The following RIMS1 variants were observed in gnomAD, a reference collection of about 807,000 sequenced individuals.
The protein encoded by RIMS1 is regulating synaptic membrane exocytosis 1.
RIMS1 carries 83 observed loss-of-function variants against 214.1 expected under a neutral mutation model. That is an observed-to-expected ratio of 0.39 (90% confidence interval 0.32 to 0.47). The LOEUF is 0.47. Among genes scored for constraint, RIMS1 ranks in the 20% least tolerant of loss-of-function variants. The pLI, the probability that RIMS1 is intolerant of heterozygous loss-of-function variation, is 0.99. For missense variants in RIMS1, 2,050 were observed against 2,161.8 expected (o/e 0.95, Z 1.03); for synonymous variants, 793 against 786.8 (o/e 1.01, Z -0.13).
intron 28 of RIMS1, chr6:72,317,431 T>C: frequency 5.6e-6 from 1 of 179,800 alleles, no homozygotes; most frequent in Non-Finnish European, 1.2e-5. Context: ...TGGCATTTGA[T>C]GTCAGTAGGC....
At chr6:71,977,055 T>C (rs1364272687) in intron 2 of RIMS1, among the ~76,000 whole-genome samples, 10 of 152,128 alleles carry the variant, frequency 6.6e-5, no homozygotes, top group African/African-American at 2.4e-4. Flanking sequence ...TGTCCTACAA[T>C]AGCGGATGGC....
rs575695455 is a variant in RIMS1 at position 72,012,371 on chromosome 6, C to T, written c.245+43308C>T. 5.6e-4 allele frequency among the ~76,000 whole-genome samples: 85 copies of T among 152,096 alleles called. 1 individual carries two copies. In the South Asian group the frequency reaches 0.017, roughly 31 times the overall value. ...GGGTGGGATAGCATTAGGAGATATACCTAATGTAAATGACGAGTTAATGGG... is the reference window on the plus strand; with the variant it reads ...GGGTGGGATAGCATTAGGAGATATATCTAATGTAAATGACGAGTTAATGGG... On this transcript the variant is annotated intron_variant, in intron 2 of 33. Coordinates refer to ENST00000521978, the MANE Select transcript of RIMS1 (RefSeq NM_014989.7).
chr6:72,346,327 T>C (rs2097264858), intron 29 of RIMS1, among the ~76,000 whole-genome samples: 1 of 151,820 alleles, frequency 6.6e-6, no homozygotes. Flanking sequence ...GTTCATTACA[T>C]GTAGTTAATA....
chr6:72,271,281 AAAAAAATATATATATATATATAT>A (rs1466891517), intron 22 of RIMS1, among the ~76,000 whole-genome samples: 2 of 68,390 alleles, frequency 2.9e-5, no homozygotes, highest in African/African-American at 1.2e-4. Context: ...AAAAAAAAAA[AAAAAAATATATATATATATATAT>A]ATATATATAT....
chr6:72,191,070 T>G (rs755194807), intron 6 of RIMS1, among the ~76,000 whole-genome samples: 6 of 152,236 alleles, frequency 3.9e-5, no homozygotes, highest in African/African-American at 1.4e-4. Flanking sequence ...TTAGATCTGC[T>G]GGATCATATG....
At chr6:72,227,835 T>G (rs1204814077) in intron 6 of RIMS1, among the ~76,000 whole-genome samples, 1 of 151,968 alleles carries the variant, frequency 6.6e-6, no homozygotes, top group Non-Finnish European at 1.5e-5. Context: ...TGAATCAACT[T>G]AATAATACTT....
intron 28 of RIMS1, among the ~76,000 whole-genome samples, chr6:72,329,522 A>G (rs1212359000): frequency 6.6e-6 from 1 of 151,714 alleles, no homozygotes; most frequent in Non-Finnish European, 1.5e-5. Flanking sequence ...TAGTAATCAT[A>G]TGCCCTTTAT....
intron 26 of RIMS1, among the ~76,000 whole-genome samples, chr6:72,301,125 A>G (rs980173372): frequency 1.3e-5 from 2 of 151,598 alleles, no homozygotes; most frequent in Admixed American, 1.3e-4. Context: ...TAGATGCTGG[A>G]TAGATGTTCT....
chr6:72,363,674 A>C (rs1325327917), intron 29 of RIMS1, among the ~76,000 whole-genome samples: 2 of 152,220 alleles, frequency 1.3e-5, no homozygotes, highest in African/African-American at 4.8e-5. Flanking sequence ...AAAGATTGAA[A>C]GCATACCTCA....
At chr6:71,951,960 T>C (rs1230798031) in intron 1 of RIMS1, among the ~76,000 whole-genome samples, 1 of 152,154 alleles carries the variant, frequency 6.6e-6, no homozygotes, top group African/African-American at 2.4e-5. Context: ...CAATTGAATG[T>C]GGATGTGAGG....
At chr6:72,126,176 G>GT (rs397764862) in intron 4 of RIMS1, among the ~76,000 whole-genome samples, 1 of 151,284 alleles carries the variant, frequency 6.6e-6, no homozygotes, top group Admixed American at 6.6e-5. Flanking sequence ...TTGGAGAAAG[G>GT]CACCCTGTTC....
chr6:71,907,582 T>A (rs1347326411), intron 1 of RIMS1, among the ~76,000 whole-genome samples: 2 of 151,894 alleles, frequency 1.3e-5, no homozygotes, highest in African/African-American at 2.4e-5. Context: ...AAAATTTTTC[T>A]AATATTTTAA....
chr6:72,099,188 T>C (rs571957869), intron 3 of RIMS1, among the ~76,000 whole-genome samples: 40 of 152,316 alleles, frequency 2.6e-4, no homozygotes, highest in Non-Finnish European at 5.1e-4. Flanking sequence ...ATACAGTTAA[T>C]GATTGATATA....
At chr6:72,164,663 C>G (rs2046006906) in intron 4 of RIMS1, among the ~76,000 whole-genome samples, 1 of 152,170 alleles carries the variant, frequency 6.6e-6, no homozygotes, top group Non-Finnish European at 1.5e-5. Context: ...GTTTATTAGA[C>G]AGTTCCAGCT....
intron 4 of RIMS1, among the ~76,000 whole-genome samples, chr6:72,114,804 C>T (rs944752154): frequency 2.6e-5 from 4 of 151,688 alleles, no homozygotes; most frequent in Non-Finnish European, 5.9e-5. Flanking sequence ...ATCATTAGAA[C>T]TGTACTTAGC....
chr6:72,159,456 T>G (rs1352196369), intron 4 of RIMS1, among the ~76,000 whole-genome samples: 1 of 141,112 alleles, frequency 7.1e-6, no homozygotes, highest in Non-Finnish European at 1.6e-5. Flanking sequence ...AGACATGAAG[T>G]CCTTGCCCAT....
intron 29 of RIMS1, among the ~76,000 whole-genome samples, chr6:72,344,653 G>C (rs766594242): frequency 6.6e-6 from 1 of 151,674 alleles, no homozygotes; most frequent in Non-Finnish European, 1.5e-5. Flanking sequence ...TCAAGTTGGC[G>C]AAACCATCAA....
chr6:72,262,944 C>A, intron 19 of RIMS1: 1 of 476,392 alleles, frequency 2.1e-6, no homozygotes, highest in Non-Finnish European at 2.7e-6. Context: ...AATTTCCTGA[C>A]AATAATTATA....
intron 1 of RIMS1, among the ~76,000 whole-genome samples, chr6:71,923,657 C>T (rs1207560206): frequency 1.3e-5 from 2 of 152,056 alleles, no homozygotes; most frequent in Non-Finnish European, 1.5e-5. Context: ...ATCACAGCCT[C>T]TCAGGTTCAA....
Sources: gnomAD v4.1 joint callset for allele counts (sites outside exome capture counted in the v4.1 genomes callset) on GRCh38, gnomAD v4.1.1 for gene constraint, MANE v1.5 for transcripts, NCBI Gene and HGNC (gene_info 2026-07-23, HGNC 2026-07-21) for gene names.